The following SLC30A4 variants were observed in gnomAD, a reference collection of about 807,000 sequenced individuals.
SLC30A4 encodes probable proton-coupled zinc antiporter SLC30A4.
SLC30A4 carries 20 observed loss-of-function variants against 41.7 expected under a neutral mutation model. That is an observed-to-expected ratio of 0.48 (90% CI 0.34 to 0.70). The LOEUF (loss-of-function observed/expected upper bound fraction) is 0.70. Among genes scored for constraint, SLC30A4 ranks in the 30% least tolerant of loss-of-function variants. The pLI, the probability that SLC30A4 is intolerant of heterozygous loss-of-function variation, is 0.01. For missense variants in SLC30A4, 441 were observed against 529.3 expected (o/e 0.83, Z 1.64); for synonymous variants, 181 against 195.9 (o/e 0.92, Z 0.64).
chr15:45,511,467 G>A (rs916959764), intron 2 of SLC30A4, among the ~76,000 whole-genome samples, 183 bp from the exon 3 acceptor site: 1 of 151,902 alleles, frequency 6.6e-6, no homozygotes, highest in African/African-American at 2.4e-5. Context: ...CATTTTTCTG[G>A]TGAGAATATC....
chr15:45,518,146 C>T (rs939632449), intron 2 of SLC30A4, among the ~76,000 whole-genome samples: 5 of 152,110 alleles, frequency 3.3e-5, no homozygotes, highest in African/African-American at 1.2e-4. Flanking sequence ...GCTTTAGGAC[C>T]TTGGTACATG....
At chr15:45,499,473 C>G (rs780983249) in intron 3 of SLC30A4, among the ~76,000 whole-genome samples, 1 of 152,092 alleles carries the variant, frequency 6.6e-6, no homozygotes, top group Non-Finnish European at 1.5e-5. Context: ...TTATCTTTAT[C>G]TAATTCGCAC....
Position 45,485,605 on chromosome 15 carries a change from A to AT in SLC30A4, c.1136-289dup, listed in dbSNP as rs1891684755. ...CATTAAAAGTAAACCTCATGCATGT[A>AT]TTATTTTGATTTAAAAAGCATCAAT... On this transcript the variant is annotated intron_variant, in intron 7 of 7. Transcript: ENST00000261867. Among the ~76,000 whole-genome samples, 4 of 152,300 alleles carry AT rather than the reference A, an allele frequency of 2.6e-5. No homozygotes were observed. The South Asian group carries it at 8.3e-4, about 32-fold the overall frequency.
In SLC30A4 at chr15:45,500,614, GTCTATCTATCTATCTATCTA is replaced by G. The variant is rs10593774; in HGVS notation, c.539-9753_539-9734del. Reference sequence around the variant, plus strand: ...TACTATCCAGCTATGTTAAGGGTCTGTCTATCTATCTATCTATCTATCTATCTATCTATCTATCTATCTAT... The same window carrying G: ...TACTATCCAGCTATGTTAAGGGTCTGTCTATCTATCTATCTATCTATCTAT... On this transcript the variant is annotated intron_variant, in intron 3 of 7. Coordinates refer to ENST00000261867, the MANE Select transcript of SLC30A4 (RefSeq NM_013309.6). Among the ~76,000 whole-genome samples the G allele has an allele frequency of 3.2e-3, 483 of 149,744 alleles. 1 individual carries two copies. Among genetic ancestry groups the G allele is most frequent in the African/African-American group, 0.011 (437 of 40,956 alleles).
rs1441166124 is a variant in SLC30A4 at position 45,488,944 on chromosome 15, T to C, written c.791A>G (p.His264Arg). 1 of 1,614,022 alleles carries C rather than the reference T, an allele frequency of 6.2e-7. No homozygotes were observed. Among genetic ancestry groups the C allele is most frequent in the Non-Finnish European group, 8.5e-7 (1 of 1,180,000 alleles). The stretch of plus-strand genomic sequence containing the variant: ...TCTCACTGCCAGGCTATCCTGCCCA[T>C]GGTTACGTTCACACCCAGAACCTCT... ...PTRGSGCERN[H>R]GQDSLAVRAA... The change falls in exon 5 of 8, where the codon CAT (histidine) becomes CGT (arginine). Residue 264 changes from histidine (H) to arginine (R), a missense_variant. Around this residue, in one of 3 missense-constraint regions of SLC30A4, gnomAD observed 312 missense variants for 341.9 expected, o/e 0.91. Coordinates refer to ENST00000261867, the MANE Select transcript of SLC30A4 (RefSeq NM_013309.6).
intron 3 of SLC30A4, among the ~76,000 whole-genome samples, chr15:45,496,416 A>G (rs138748040): frequency 1.7e-3 from 262 of 152,308 alleles, no homozygotes; most frequent in African/African-American, 6.1e-3. Context: ...CTTCGGTCAC[A>G]TAACTTACAA....
At chr15:45,486,140 A>G (rs1308343492) in intron 7 of SLC30A4, among the ~76,000 whole-genome samples, 1 of 151,714 alleles carries the variant, frequency 6.6e-6, no homozygotes, top group Non-Finnish European at 1.5e-5. Flanking sequence ...CTCCTGCCTC[A>G]GCCTCCCAAG....
intron 3 of SLC30A4, chr15:45,502,931 G>A (rs945521030): frequency 6.6e-6 from 1 of 151,672 alleles, no homozygotes; most frequent in African/African-American, 2.4e-5. Context: ...GAGTTCGACG[G>A]TGCAGTGAGC....
intron 2 of SLC30A4, among the ~76,000 whole-genome samples, chr15:45,520,599 G>A (rs894593370): frequency 1.4e-4 from 21 of 152,074 alleles, no homozygotes; most frequent in Admixed American, 2.0e-4. Flanking sequence ...AATAAGACAC[G>A]AATGACAAGA....
intron 2 of SLC30A4, among the ~76,000 whole-genome samples, chr15:45,511,652 T>A (rs531746865): frequency 9.9e-5 from 15 of 152,204 alleles, no homozygotes; most frequent in Non-Finnish European, 7.4e-5. Context: ...CCCGGCTAAT[T>A]TTTGTATTTT....
At position 45,522,272 on chromosome 15, in the gene SLC30A4, G is replaced by T. The variant is rs1356011341; in HGVS notation, c.83C>A (p.Ala28Asp). 1 of 1,614,184 alleles carries T rather than the reference G, an allele frequency of 6.2e-7. No homozygotes were observed. The highest frequency in any genetic ancestry group is 2.2e-5 in the East Asian group (1 of 44,874). The change falls in exon 2 of 8, where the codon GCC becomes GAC. Residue 28 changes from alanine (A) to aspartate (D), a missense_variant. Ala to Asp is a moderately radical substitution (Grantham distance 126). Around this residue, in one of 3 missense-constraint regions of SLC30A4, gnomAD observed 312 missense variants for 341.9 expected, o/e 0.91. Transcript: ENST00000261867. Reference sequence around the variant, plus strand: ...CCCCGCCTCATCCGAGAAGTCAAAGGCGCTGGTGTCATTTAAAAACAGCGG... The same window carrying T: ...CCCCGCCTCATCCGAGAAGTCAAAGTCGCTGGTGTCATTTAAAAACAGCGG... ...DAPLFLNDTS[A>D]FDFSDEAGDE...
rs895408022 is a variant in SLC30A4 at position 45,500,626 on chromosome 15, A to G, written c.539-9745T>C. ...ATGTTAAGGGTCTGTCTATCTATCT[A>G]TCTATCTATCTATCTATCTATCTAT... On this transcript the variant is annotated intron_variant, in intron 3 of 7. Coordinates refer to ENST00000261867, the MANE Select transcript of SLC30A4 (RefSeq NM_013309.6). Among the ~76,000 whole-genome samples, 52 of 125,392 alleles carry G rather than the reference A, an allele frequency of 4.1e-4. 1 individual carries two copies. The highest frequency in any genetic ancestry group is 7.2e-3 in the Middle Eastern group (2 of 276). 82.3% of individuals were successfully genotyped at this position (125,392 alleles called of 152,430 possible). A position where few individuals can be genotyped will look rare whatever the true frequency, so the allele number is the denominator to read the frequency against.
intron 3 of SLC30A4, among the ~76,000 whole-genome samples, chr15:45,493,613 G>C (rs1025917042): frequency 2.7e-4 from 41 of 152,236 alleles, no homozygotes; most frequent in African/African-American, 9.9e-4. Context: ...GGATCACAAG[G>C]TCAGGAGTTC....
At position 45,482,039 on chromosome 15, in the gene SLC30A4, A is replaced by T. The variant is rs1458241727; in HGVS notation, c.*3124T>A. The T allele has an allele frequency of 1.6e-5, 2 of 125,262 alleles. No individual in the cohort carries two copies. The highest frequency in any genetic ancestry group is 3.3e-5 in the Non-Finnish European group (2 of 60,288). 7.8% of individuals were successfully genotyped at this position (125,262 alleles called of 1,614,324 possible). ...AGCTCAAGACCAGCCTGGGCAACATAGGGAGACCCCATCTCATTAAAAAAA... is the reference window on the plus strand; with the variant it reads ...AGCTCAAGACCAGCCTGGGCAACATTGGGAGACCCCATCTCATTAAAAAAA... On this transcript the variant is annotated 3_prime_UTR_variant, in exon 8 of 8. Coordinates refer to ENST00000261867, the MANE Select transcript of SLC30A4 (RefSeq NM_013309.6).
Position 45,501,316 on chromosome 15 carries a change from A to C in SLC30A4, c.538+9822T>G, listed in dbSNP as rs371998290. Among the ~76,000 whole-genome samples the C allele has an allele frequency of 2.8e-3, 427 of 152,198 alleles. 1 individual carries two copies. Among genetic ancestry groups the C allele is most frequent in the African/African-American group, 9.8e-3 (407 of 41,542 alleles). On this transcript the variant is annotated intron_variant, in intron 3 of 7. Coordinates refer to ENST00000261867, the MANE Select transcript of SLC30A4 (RefSeq NM_013309.6). ...GAGCGAAACTCCATCTCAAAAAAAA[A>C]AATTATGGAAAAATGTTTTCAAGTT...
At chr15:45,521,707 G>C (rs1892672128) in intron 2 of SLC30A4, 2 of 430,342 alleles carry the variant, frequency 4.6e-6, no homozygotes, top group Non-Finnish European at 8.2e-6. Context: ...ATACAATGAA[G>C]ATAACGTCCT....
intron 3 of SLC30A4, among the ~76,000 whole-genome samples, chr15:45,500,573 A>C (rs538854891): frequency 1.8e-4 from 28 of 152,188 alleles, no homozygotes; most frequent in Non-Finnish European, 3.8e-4. Context: ...AGTCAGGTGT[A>C]CAACCAGTAC....
chr15:45,488,269 G>A (rs1891745800), intron 5 of SLC30A4, among the ~76,000 whole-genome samples: 2 of 152,184 alleles, frequency 1.3e-5, no homozygotes, highest in African/African-American at 2.4e-5. Context: ...ATTCAATCAC[G>A]AGTTTTAAAA....
At chr15:45,494,907 C>G (rs1055612953) in intron 3 of SLC30A4, among the ~76,000 whole-genome samples, 1 of 151,870 alleles carries the variant, frequency 6.6e-6, no homozygotes, top group Non-Finnish European at 1.5e-5. Context: ...ACCTGTAATC[C>G]CTGCTACTTG....
Sources: allele counts gnomAD v4.1 joint callset (sites outside exome capture counted in the v4.1 genomes callset), GRCh38; gene constraint gnomAD v4.1.1; regional missense constraint gnomAD v4.1.1; transcripts MANE v1.5; gene names NCBI Gene and HGNC (gene_info 2026-07-23, HGNC 2026-07-21).